Variants in GRM7 observed in about 807,000 individuals in gnomAD.
GRM7 encodes the protein metabotropic glutamate receptor 7.
Under a neutral mutation model 84.5 loss-of-function variants are expected in GRM7, and 35 were observed. That is an observed-to-expected ratio of 0.41 (90% CI 0.32 to 0.55). The LOEUF (loss-of-function observed/expected upper bound fraction) is 0.55, where lower values mean the gene tolerates loss of function less well. Among genes scored for constraint, GRM7 ranks in the 20% least tolerant of loss-of-function variants. The pLI is 0.19. For synonymous variants in GRM7, 487 were observed against 455.1 expected, an observed-to-expected ratio of 1.07 and a Z score of -0.89; for missense variants, 1,003 against 1,194.6, an observed-to-expected ratio of 0.84 and a Z score of 2.36.
intron 1 of GRM7, among the ~76,000 whole-genome samples, chr3:7,017,530 T>C (rs1455795300): frequency 6.6e-6 from 1 of 152,228 alleles, no homozygotes; most frequent in African/African-American, 2.4e-5. Context: ...CAGAAGTAAG[T>C]ATGTAAAAAG....
At chr3:7,453,099 GAAGGGA>G (rs1333066404) in intron 6 of GRM7, among the ~76,000 whole-genome samples, 1 of 151,354 alleles carries the variant, frequency 6.6e-6, no homozygotes, top group Admixed American at 6.6e-5. Context: ...GATGGAAGAG[GAAGGGA>G]AAGGAGCAGT....
At chr3:7,345,411 C>A (rs533279187) in intron 4 of GRM7, among the ~76,000 whole-genome samples, 1 of 151,918 alleles carries the variant, frequency 6.6e-6, no homozygotes, top group Non-Finnish European at 1.5e-5. Context: ...CAAATGGTAG[C>A]TGGGATTACA....
At chr3:7,081,554 A>G (rs1400777976) in intron 1 of GRM7, among the ~76,000 whole-genome samples, 1 of 152,054 alleles carries the variant, frequency 6.6e-6, no homozygotes, top group Non-Finnish European at 1.5e-5. Context: ...TAACCCCACA[A>G]TGGCCTCTAA....
rs561906865 is a variant in GRM7, at chr3:6,875,994, G to A, written c.519+14087G>A. On this transcript the variant is annotated intron_variant, in intron 1 of 9. Transcript: ENST00000357716. ...GAAGAAAGTTATGGCATGGCCGGGC[G>A]TAGTGGCTCACGCGTGTAACCATAG... is the stretch of plus-strand genomic sequence containing the variant. 6.6e-5 allele frequency among the ~76,000 whole-genome samples: 10 copies of A among 152,272 alleles called. No homozygotes were observed. In the East Asian group the frequency reaches 9.7e-4, roughly 15 times the overall value.
intron 8 of GRM7, among the ~76,000 whole-genome samples, chr3:7,649,032 T>A (rs1698801204): frequency 6.6e-6 from 1 of 151,942 alleles, no homozygotes; most frequent in African/African-American, 2.4e-5. Flanking sequence ...ACCAAGTTCA[T>A]GCCGCAGGGA....
chr3:7,519,876 T>TA (rs1700529725), intron 7 of GRM7: 1 of 152,700 alleles, frequency 6.5e-6, no homozygotes, highest in African/African-American at 2.4e-5. Flanking sequence ...ACTGGGCTGG[T>TA]AGTTGAGGCT....
intron 8 of GRM7, among the ~76,000 whole-genome samples, chr3:7,676,525 C>A (rs162808): frequency 0.46 from 70,486 of 151,908 alleles, 17,219 homozygotes; most frequent in East Asian, 0.82. Flanking sequence ...GTGATGTGAT[C>A]TCCGCTCTCT....
intron 3 of GRM7, among the ~76,000 whole-genome samples, chr3:7,304,145 T>C (rs1046820432): frequency 6.6e-6 from 1 of 152,100 alleles, no homozygotes; most frequent in Non-Finnish European, 1.5e-5. Context: ...TCTTAACTTA[T>C]AGGGAACTTA....
intron 1 of GRM7, among the ~76,000 whole-genome samples, chr3:7,031,316 A>G (rs1430687351): frequency 2.0e-5 from 3 of 152,126 alleles, no homozygotes. Flanking sequence ...CCCTTGATTT[A>G]GTTCAGATGC....
intron 7 of GRM7, among the ~76,000 whole-genome samples, chr3:7,511,696 A>G (rs1700216550): frequency 6.6e-6 from 1 of 152,244 alleles, no homozygotes; most frequent in African/African-American, 2.4e-5. Context: ...CTACCTTTTA[A>G]TAAAGCTGTC....
intron 9 of GRM7, among the ~76,000 whole-genome samples, chr3:7,695,006 C>T (rs934288393): frequency 1.3e-5 from 2 of 152,100 alleles, no homozygotes; most frequent in African/African-American, 2.4e-5. Context: ...ACATGCAATA[C>T]GGCATTGAAG....
rs188284181 is a variant in GRM7, at chr3:7,217,030, G to A, written c.736+70362G>A. On this transcript the variant is annotated intron_variant, in intron 2 of 9. Transcript: ENST00000357716. The stretch of plus-strand genomic sequence containing the variant: ...CAACGAAATCGTTTTCCTCCTTTAG[G>A]TGAGCTGGCATACCTTGAAGGTAGT... Among the ~76,000 whole-genome samples the A allele has an allele frequency of 1.3e-3, 203 of 152,032 alleles. 1 individual carries two copies. The highest frequency in any genetic ancestry group is 4.6e-3 in the African/African-American group (191 of 41,456).
At chr3:7,110,067 A>G (rs983653897) in intron 1 of GRM7, among the ~76,000 whole-genome samples, 1 of 152,138 alleles carries the variant, frequency 6.6e-6, no homozygotes. Context: ...ATAACATGAA[A>G]TTTTGCCTCA....
chr3:6,864,277 A>G (rs1383475321), intron 1 of GRM7, among the ~76,000 whole-genome samples: 1 of 152,200 alleles, frequency 6.6e-6, no homozygotes, highest in Admixed American at 6.5e-5. Context: ...CATGCAAGCT[A>G]GATAAAACAG....
chr3:7,507,127 A>T (rs1303285671), intron 7 of GRM7, among the ~76,000 whole-genome samples: 2 of 152,160 alleles, frequency 1.3e-5, no homozygotes, highest in African/African-American at 4.8e-5. Context: ...TCAGATAGGG[A>T]TATTTTATTG....
intron 1 of GRM7, among the ~76,000 whole-genome samples, chr3:6,977,075 G>T (rs368254313): frequency 2.6e-5 from 4 of 152,140 alleles, no homozygotes; most frequent in African/African-American, 9.7e-5. Flanking sequence ...TGATTAATCT[G>T]TCCAAGCACC....
intron 4 of GRM7, among the ~76,000 whole-genome samples, chr3:7,399,129 G>A (rs1309412890): frequency 6.6e-6 from 1 of 151,030 alleles, no homozygotes; most frequent in African/African-American, 2.4e-5. Flanking sequence ...TTCCACTTAA[G>A]CTTAGTGATT....
intron 7 of GRM7, among the ~76,000 whole-genome samples, chr3:7,560,904 C>T (rs1693994167): frequency 6.6e-6 from 1 of 152,242 alleles, no homozygotes; most frequent in East Asian, 1.9e-4. Context: ...CTACTCTAAG[C>T]TCAGGAAGTC....
At chr3:7,158,800 C>T (rs978704425) in intron 2 of GRM7, among the ~76,000 whole-genome samples, 2 of 152,170 alleles carry the variant, frequency 1.3e-5, no homozygotes, top group Non-Finnish European at 2.9e-5. Context: ...AATCTCACCT[C>T]TCTAGAGAGT....
Sources: gnomAD v4.1 joint callset for allele counts (sites outside exome capture counted in the v4.1 genomes callset) on GRCh38, gnomAD v4.1.1 for gene constraint, MANE v1.5 for transcripts, NCBI Gene and HGNC (gene_info 2026-07-23, HGNC 2026-07-21) for gene names.